Variants in ZNF563 observed in about 807,000 individuals in gnomAD.
ZNF563 encodes the protein zinc finger protein 563.
In ZNF563, 39 loss-of-function variants were observed where a neutral mutation model predicts 48.5. The ratio of observed to expected loss-of-function variants is 0.80; its 90% CI spans 0.62 to 1.05. ZNF563 has a LOEUF of 1.05. ZNF563 is among the 50% of genes least tolerant of loss of function. ZNF563 has a pLI of 0.00. For missense variants in ZNF563, 538 were observed against 597.0 expected (o/e 0.90, Z 1.03); for synonymous variants, 168 against 187.9 (o/e 0.89, Z 0.87).
chr19:12,320,585 C>T (rs933965370), intron 3 of ZNF563, among the ~76,000 whole-genome samples: 2 of 151,876 alleles, frequency 1.3e-5, no homozygotes, highest in East Asian at 3.9e-4. Flanking sequence ...CTGCAACCTT[C>T]GCCTCCTGGG....
At chr19:12,324,674 G>A (rs1006191357) in intron 1 of ZNF563, among the ~76,000 whole-genome samples, 14 of 144,464 alleles carry the variant, frequency 9.7e-5, no homozygotes, top group Non-Finnish European at 1.3e-4. Context: ...CCGAGATTGC[G>A]CTATCGCACT....
At chr19:12,344,575 A>T in the ZNF563 span, among the ~76,000 whole-genome samples, 1 of 152,208 alleles carries the variant, frequency 6.6e-6, no homozygotes, top group African/African-American at 2.4e-5. Flanking sequence ...AAACTTCCTT[A>T]ATAGGAAAAA....
intron 1 of ZNF563, among the ~76,000 whole-genome samples, chr19:12,323,541 T>C (rs1968693490): frequency 6.6e-6 from 1 of 152,262 alleles, no homozygotes; most frequent in Non-Finnish European, 1.5e-5. Flanking sequence ...TTATGCCATC[T>C]AAGAACTCTG....
upstream of ZNF563, among the ~76,000 whole-genome samples, chr19:12,336,365 G>A (rs1019388707): frequency 2.0e-5 from 3 of 152,052 alleles, no homozygotes; most frequent in Non-Finnish European, 4.4e-5. Context: ...GGCTGAGGCG[G>A]GCAGATCACA....
At chr19:12,327,459 C>CAAAAAAAAAAAA (rs35937081) in intron 1 of ZNF563, among the ~76,000 whole-genome samples, 1 of 71,920 alleles carries the variant, frequency 1.4e-5, no homozygotes, top group Non-Finnish European at 2.9e-5. Flanking sequence ...CACTCCATCT[C>CAAAAAAAAAAAA]AAAAAAAAAA....
the ZNF563 span, among the ~76,000 whole-genome samples, chr19:12,345,509 G>A: frequency 6.6e-6 from 1 of 152,106 alleles, no homozygotes; most frequent in East Asian, 1.9e-4. Context: ...AAATGGTGTT[G>A]GGAAAACTGG....
At chr19:12,320,409 G>A (rs182332698) in intron 3 of ZNF563, among the ~76,000 whole-genome samples, 1 of 151,302 alleles carries the variant, frequency 6.6e-6, no homozygotes, top group Admixed American at 6.6e-5. Context: ...GTAGCAGAAC[G>A]ATGGTTCATG....
At chr19:12,342,365 G>GGA in the ZNF563 span, among the ~76,000 whole-genome samples, 1 of 151,284 alleles carries the variant, frequency 6.6e-6, no homozygotes, top group African/African-American at 2.4e-5. Context: ...ATAATTATTG[G>GGA]AAAAAAATAC....
upstream of ZNF563, chr19:12,333,674 C>G (rs575540138): frequency 1.3e-6 from 1 of 765,628 alleles, no homozygotes; most frequent in South Asian, 2.1e-5. Flanking sequence ...ACGCCGCGGG[C>G]TCTTTGAACC....
At position 12,317,757 on chromosome 19, in the gene ZNF563, G is replaced by A. The variant is rs895863559; in HGVS notation, c.*837C>T. On this transcript the variant is annotated 3_prime_UTR_variant, in exon 4 of 4. Transcript: ENST00000293725. ...CTCCTGCAAATATTAGGGGATAACT[G>A]TATTTGAAAGAAACTGAGGCTTAAA... The A allele has an allele frequency of 6.6e-6, 1 of 152,508 alleles. No homozygotes were observed. Among genetic ancestry groups the A allele is most frequent in the African/African-American group, 2.4e-5 (1 of 41,422 alleles). The allele number at this position is 152,508 out of a possible 1,614,324, so 9.4% of individuals were successfully genotyped here.
At chr19:12,319,868 G>T in intron 3 of ZNF563, 35 bp from the exon 4 acceptor site, 1 of 1,541,860 alleles carries the variant, frequency 6.5e-7, no homozygotes, top group Non-Finnish European at 8.8e-7. Flanking sequence ...CTAAATAGTT[G>T]TTTCTAAATG....
At chr19:12,340,674 G>A in the ZNF563 span, among the ~76,000 whole-genome samples, 3 of 152,086 alleles carry the variant, frequency 2.0e-5, no homozygotes, top group African/African-American at 7.2e-5. Flanking sequence ...CTACTCAGGA[G>A]GCTGAGACAA....
At chr19:12,341,581 C>T in the ZNF563 span, among the ~76,000 whole-genome samples, 1 of 152,042 alleles carries the variant, frequency 6.6e-6, no homozygotes, top group South Asian at 2.1e-4. Context: ...CACTATCATA[C>T]AAAATAGAAT....
intron 1 of ZNF563, among the ~76,000 whole-genome samples, chr19:12,329,893 T>C (rs1968881173): frequency 6.6e-6 from 1 of 152,056 alleles, no homozygotes; most frequent in South Asian, 2.1e-4. Context: ...CAGAAGTAGG[T>C]AGGTAGGTAA....
intron 2 of ZNF563, among the ~76,000 whole-genome samples, chr19:12,321,876 A>G (rs1343200804): frequency 6.6e-6 from 1 of 152,200 alleles, no homozygotes; most frequent in African/African-American, 2.4e-5. Context: ...CAATGTAAAG[A>G]TAAGGATAAA....
chr19:12,343,697 A>G, the ZNF563 span, among the ~76,000 whole-genome samples: 1 of 147,902 alleles, frequency 6.8e-6, no homozygotes, highest in East Asian at 2.0e-4. Context: ...ACTACAGAAT[A>G]TCTTTTATGA....
chr19:12,318,734 A>G lies in ZNF563; in HGVS notation c.1291T>C (p.Ser431Pro), dbSNP rs372118557. ...YECKQCGKALSHSSSFRRHMV... is the reference protein window; with the variant it reads ...YECKQCGKALPHSSSFRRHMV... ...TGTCTTCGAAAGCTTGAGCTATGAGATAACGCTTTCCCACACTGCTTGCAT... is the reference window on the plus strand; with the variant it reads ...TGTCTTCGAAAGCTTGAGCTATGAGGTAACGCTTTCCCACACTGCTTGCAT... The change falls in exon 4 of 4, where the codon TCT becomes CCT. Residue 431 changes from serine (S) to proline (P), a missense_variant. Transcript: ENST00000293725. 156 of 1,614,074 alleles carry G rather than the reference A, an allele frequency of 9.7e-5. No homozygotes were observed. Among genetic ancestry groups the G allele is most frequent in the Admixed American group, 3.5e-4 (21 of 60,004 alleles).
the ZNF563 span, among the ~76,000 whole-genome samples, chr19:12,340,914 T>C: frequency 6.6e-6 from 1 of 151,668 alleles, no homozygotes; most frequent in African/African-American, 2.4e-5. Context: ...GTGAGAAATG[T>C]AGAGTATTTT....
chr19:12,333,193 C>T (rs188144131), intron 1 of ZNF563, among the ~76,000 whole-genome samples: 30 of 152,326 alleles, frequency 2.0e-4, no homozygotes, highest in African/African-American at 7.2e-4. Context: ...GTGACCCTCC[C>T]CCAATCCTGG....
Sources: allele counts gnomAD v4.1 joint callset (sites outside exome capture counted in the v4.1 genomes callset), GRCh38; gene constraint gnomAD v4.1.1; transcripts MANE v1.5; gene names NCBI Gene and HGNC (gene_info 2026-07-23, HGNC 2026-07-21).